Variants in GDPD1 observed in about 807,000 individuals in gnomAD.
The protein encoded by GDPD1 is glycerophosphodiester phosphodiesterase domain containing 1.
In GDPD1, 28 loss-of-function variants were observed where a neutral mutation model predicts 45.1. That is an observed-to-expected ratio of 0.62 (90% confidence interval 0.46 to 0.85). The LOEUF (loss-of-function observed/expected upper bound fraction) is 0.85, where lower values mean the gene tolerates loss of function less well. Ranked by LOEUF, GDPD1 falls within the 40% of genes least tolerant of loss-of-function variation. GDPD1 has a pLI of 0.00. For synonymous variants in GDPD1, 139 were observed against 131.4 expected (o/e 1.06, Z -0.40); for missense variants, 256 against 364.8 (o/e 0.70, Z 2.43).
intron 2 of GDPD1, 75 bp from the exon 3 acceptor site, chr17:59,245,339 G>T: frequency 8.5e-7 from 1 of 1,171,866 alleles, no homozygotes. Flanking sequence ...TTGTAACTCT[G>T]AATTGTTAGA....
intron 2 of GDPD1, among the ~76,000 whole-genome samples, chr17:59,237,419 AAAAT>A (rs2047141346): frequency 6.6e-6 from 1 of 152,132 alleles, no homozygotes; most frequent in Non-Finnish European, 1.5e-5. Flanking sequence ...TAAATAAATA[AAAAT>A]AAATAAACAT....
intron 9 of GDPD1, 59 bp from the exon 10 acceptor site, chr17:59,273,592 T>C: frequency 9.8e-7 from 1 of 1,019,994 alleles, no homozygotes. Flanking sequence ...AATACTGTTA[T>C]AAAAATAATT....
At chr17:59,246,829 A>G (rs2047216151) in intron 3 of GDPD1, among the ~76,000 whole-genome samples, 1 of 151,372 alleles carries the variant, frequency 6.6e-6, no homozygotes, top group African/African-American at 2.4e-5. Flanking sequence ...GTGCAGTGGC[A>G]TGATCTCGGC....
At chr17:59,235,619 C>G (rs1314371934) in intron 2 of GDPD1, among the ~76,000 whole-genome samples, 1 of 152,088 alleles carries the variant, frequency 6.6e-6, no homozygotes, top group Non-Finnish European at 1.5e-5. Context: ...GAGTTCAAGA[C>G]CAGCCTGGCC....
At chr17:59,257,663 A>T in intron 5 of GDPD1, 88 bp from the exon 6 acceptor site, 3 of 794,922 alleles carry the variant, frequency 3.8e-6, no homozygotes, top group Admixed American at 4.5e-5. Flanking sequence ...ATTCACAGAT[A>T]GTCAATTCTA....
At chr17:59,270,350 T>C (rs1305517004) in intron 7 of GDPD1, among the ~76,000 whole-genome samples, 1 of 150,718 alleles carries the variant, frequency 6.6e-6, no homozygotes, top group African/African-American at 2.5e-5. Flanking sequence ...TGCGCCACCA[T>C]GCCCGGCTAA....
intron 1 of GDPD1, among the ~76,000 whole-genome samples, chr17:59,233,652 G>A (rs1188481478): frequency 6.6e-6 from 1 of 152,032 alleles, no homozygotes; most frequent in Non-Finnish European, 1.5e-5. Context: ...TAGTTACCCT[G>A]AACATTATTT....
Position 59,232,106 on chromosome 17 carries a change from G to A in GDPD1, c.143-2386G>A, listed in dbSNP as rs563990978. Among the ~76,000 whole-genome samples, 4 of 152,180 alleles carry A rather than the reference G, an allele frequency of 2.6e-5. No individual in the cohort carries two copies. The South Asian group carries it at 8.3e-4, about 32-fold the overall frequency. Reference sequence around the variant, plus strand: ...TAAGGATGCCATATGTCGACAAAGTGAGAAAAAAATGATGTCTGACCTCCT... The same window carrying A: ...TAAGGATGCCATATGTCGACAAAGTAAGAAAAAAATGATGTCTGACCTCCT... On this transcript the variant is annotated intron_variant, in intron 1 of 9. Transcript: ENST00000284116.
At chr17:59,259,488 A>AC (rs1318508256) in intron 6 of GDPD1, among the ~76,000 whole-genome samples, 1 of 145,200 alleles carries the variant, frequency 6.9e-6, no homozygotes, top group Non-Finnish European at 1.5e-5. Context: ...AATGGCGTGA[A>AC]CCCGGGAGGC....
intron 6 of GDPD1, among the ~76,000 whole-genome samples, chr17:59,258,678 G>A (rs553998010): frequency 6.6e-6 from 1 of 152,298 alleles, no homozygotes; most frequent in African/African-American, 2.4e-5. Flanking sequence ...GGTCAATGCA[G>A]TTGAACTGGT....
intron 8 of GDPD1, among the ~76,000 whole-genome samples, chr17:59,271,702 G>T (rs1461840454): frequency 6.6e-6 from 1 of 151,510 alleles, no homozygotes; most frequent in Non-Finnish European, 1.5e-5. Flanking sequence ...GAGTGCAGTG[G>T]TGTGATCTCG....
At chr17:59,233,524 A>AG (rs1555721705) in intron 1 of GDPD1, among the ~76,000 whole-genome samples, 4 of 151,058 alleles carry the variant, frequency 2.6e-5, no homozygotes, top group African/African-American at 7.3e-5. Context: ...AAAAAAAAAA[A>AG]AAAAAGAAAG....
rs370335010 is a variant in GDPD1 at position 59,237,478 on chromosome 17, T to C, written c.185+2944T>C. Among the ~76,000 whole-genome samples, 96 of 152,278 alleles carry C rather than the reference T, an allele frequency of 6.3e-4. 2 individuals are homozygous for C. The South Asian group carries it at 7.9e-3, about 12-fold the overall frequency. On this transcript the variant is annotated intron_variant, in intron 2 of 9. Transcript: ENST00000284116. ...ATATTAAAATACTAAAGAGTTGTAA[T>C]GTACAATCAGGAGAAGATACATACT...
At chr17:59,224,991 A>T (rs1284400485) in intron 1 of GDPD1, among the ~76,000 whole-genome samples, 1 of 152,120 alleles carries the variant, frequency 6.6e-6, no homozygotes, top group Non-Finnish European at 1.5e-5. Flanking sequence ...AATATAAAAC[A>T]ATACCACTCT....
At chr17:59,238,635 G>A (rs2047153172) in intron 2 of GDPD1, among the ~76,000 whole-genome samples, 2 of 152,152 alleles carry the variant, frequency 1.3e-5, no homozygotes, top group South Asian at 4.2e-4. Context: ...GGATGGCCCC[G>A]ATCTCCTGAC....
intron 1 of GDPD1, among the ~76,000 whole-genome samples, chr17:59,223,775 A>G (rs1414903237): frequency 6.6e-6 from 1 of 152,170 alleles, no homozygotes; most frequent in East Asian, 1.9e-4. Flanking sequence ...GTCTACTGCA[A>G]AAACACATGT....
chr17:59,251,042 A>G (rs1157629725), intron 4 of GDPD1, among the ~76,000 whole-genome samples: 1 of 152,138 alleles, frequency 6.6e-6, no homozygotes, highest in Admixed American at 6.6e-5. Context: ...AGACTGTCTA[A>G]TCTTGTCTTC....
intron 2 of GDPD1, among the ~76,000 whole-genome samples, chr17:59,237,934 GC>G (rs2047145519): frequency 7.3e-6 from 1 of 136,348 alleles, no homozygotes; most frequent in Non-Finnish European, 1.5e-5. Context: ...GCTGGGCACA[GC>G]CTGGGCAACA....
Position 59,262,920 on chromosome 17 carries a change from G to T in GDPD1, c.577-4121G>T, listed in dbSNP as rs2047369040. ...TGGGATTACAGGCATGAGCCACCGT[G>T]CCCGGCCACAGCTTTGTATCTTGAT... On this transcript the variant is annotated intron_variant, in intron 6 of 9. Transcript: ENST00000284116. 2.0e-5 allele frequency among the ~76,000 whole-genome samples: 3 copies of T among 152,096 alleles called. No homozygotes were observed. In the South Asian group the frequency reaches 6.2e-4, roughly 32 times the overall value.
Sources: allele counts gnomAD v4.1 joint callset (sites outside exome capture counted in the v4.1 genomes callset), GRCh38; gene constraint gnomAD v4.1.1; transcripts MANE v1.5; gene names NCBI Gene and HGNC (gene_info 2026-07-23, HGNC 2026-07-21).